The following MMS22L variants were observed in gnomAD, a reference collection of about 807,000 sequenced individuals.
MMS22L encodes the protein MMS22 like, DNA repair protein.
Under a neutral mutation model 159.1 loss-of-function variants are expected in MMS22L, and 74 were observed. The observed-to-expected ratio is 0.47, with a 90% CI of 0.39 to 0.56. The LOEUF is 0.56. MMS22L is among the 20% of genes least tolerant of loss of function. The probability of loss-of-function intolerance (pLI) is 0.00; values close to 1 mark genes in which losing one functional copy is unlikely to be tolerated. For missense variants in MMS22L, 1,351 were observed against 1,422.1 expected (o/e 0.95, Z 0.80); for synonymous variants, 517 against 506.9 (o/e 1.02, Z -0.27).
At chr6:97,187,682 A>G (rs1037147015) in intron 14 of MMS22L, among the ~76,000 whole-genome samples, 2 of 152,166 alleles carry the variant, frequency 1.3e-5, no homozygotes, top group African/African-American at 4.8e-5. Context: ...ATAATTAAGT[A>G]CTTTAAAAAA....
intron 6 of MMS22L, chr6:97,271,637 T>C (rs1815748389): frequency 1.3e-5 from 2 of 152,240 alleles, no homozygotes; most frequent in Admixed American, 1.3e-4. Flanking sequence ...AACTTGTTTC[T>C]GCTTCATTTC....
intron 9 of MMS22L, chr6:97,259,817 T>G (rs966801552): frequency 7.9e-5 from 12 of 152,146 alleles, no homozygotes; most frequent in African/African-American, 2.7e-4. Context: ...CTTTTATATA[T>G]AAGAATTTAG....
At position 97,256,832 on chromosome 6, in the gene MMS22L, A is replaced by G. The variant is rs997893932; in HGVS notation, c.943-2099T>C. Among the ~76,000 whole-genome samples the G allele has an allele frequency of 2.6e-5, 4 of 152,184 alleles. No homozygotes were observed. The South Asian group carries it at 6.2e-4, about 24-fold the overall frequency. On this transcript the variant is annotated intron_variant, in intron 9 of 24. Transcript: ENST00000683635. ...TGTGGTGGCATGTGCTTGTACTCCC[A>G]GCTACTAAGGAGTCTGAGACAGGAG...
chr6:97,172,891 G>A (rs370897137), intron 19 of MMS22L, among the ~76,000 whole-genome samples, 172 bp downstream of exon 19: 1 of 152,258 alleles, frequency 6.6e-6, no homozygotes, highest in East Asian at 1.9e-4. Flanking sequence ...GAGCAAGACA[G>A]AGATACATTT....
At chr6:97,268,083 A>G in intron 7 of MMS22L, 81 bp from the exon 8 acceptor site, 2 of 990,166 alleles carry the variant, frequency 2.0e-6, no homozygotes, top group Middle Eastern at 3.4e-4. Context: ...TCTTTAAATT[A>G]TAACAAAACT....
At chr6:97,270,030 T>C (rs1471430008) in intron 6 of MMS22L, 38 bp from the exon 7 acceptor site, 2 of 1,515,916 alleles carry the variant, frequency 1.3e-6, no homozygotes, top group Admixed American at 1.7e-5. Context: ...GAGAATTCAT[T>C]AATATTTTAC....
intron 9 of MMS22L, chr6:97,260,939 G>A (rs1449449902): frequency 6.6e-6 from 1 of 151,442 alleles, no homozygotes; most frequent in African/African-American, 2.4e-5. Flanking sequence ...TAAATTTTCT[G>A]CTTTCTCTTC....
Position 97,204,095 on chromosome 6 carries a change from G to A in MMS22L, c.2040-17405C>T, listed in dbSNP as rs147356625. On this transcript the variant is annotated intron_variant, in intron 14 of 24. Transcript: ENST00000683635. ...AGCAGCATAGATTAACTGATGCTCCGAAAAAATTTATAGAAAAAGTTGTTG... is the reference window on the plus strand; with the variant it reads ...AGCAGCATAGATTAACTGATGCTCCAAAAAAATTTATAGAAAAAGTTGTTG... 9.4e-3 allele frequency among the ~76,000 whole-genome samples: 1,438 copies of A among 152,186 alleles called. 25 individuals are homozygous for A. The highest frequency in any genetic ancestry group is 0.031 in the African/African-American group (1,307 of 41,532).
At chr6:97,278,812 A>T in intron 4 of MMS22L, 37 bp downstream of exon 4, 1 of 1,578,042 alleles carries the variant, frequency 6.3e-7, no homozygotes, top group Admixed American at 1.7e-5. Flanking sequence ...ATAATGAAGC[A>T]CCATTCCCTT....
intron 10 of MMS22L, chr6:97,254,118 A>G (rs1165746238): frequency 6.5e-6 from 1 of 153,530 alleles, no homozygotes. Flanking sequence ...AAAAAGCTTC[A>G]CTAAAGAAGT....
chr6:97,214,116 T>C (rs1808701700), intron 14 of MMS22L, among the ~76,000 whole-genome samples: 3 of 152,198 alleles, frequency 2.0e-5, no homozygotes, highest in Admixed American at 6.5e-5. Flanking sequence ...AAATACCTTC[T>C]ACACATAATC....
In MMS22L at chr6:97,146,047, T is replaced by C. The variant is rs1800913432; in HGVS notation, c.*759A>G. 6.6e-6 allele frequency: 1 copy of C among 152,034 alleles called. No homozygotes were observed. The highest frequency in any genetic ancestry group is 2.1e-4 in the South Asian group (1 of 4,824). 9.4% of individuals were successfully genotyped at this position (152,034 alleles called of 1,614,324 possible). A position where few individuals can be genotyped will look rare whatever the true frequency, so the allele number is the denominator to read the frequency against. On this transcript the variant is annotated 3_prime_UTR_variant, in exon 25 of 25. Transcript: ENST00000683635. ...ACTATTGTTACTTTTCTAGAATATT[T>C]TTATTTACTCTCCTCTTAAAGTCTC... is the stretch of plus-strand genomic sequence containing the variant.
chr6:97,157,698 A>G (rs1272700215), intron 22 of MMS22L, among the ~76,000 whole-genome samples: 1 of 152,068 alleles, frequency 6.6e-6, no homozygotes, highest in Non-Finnish European at 1.5e-5. Flanking sequence ...AAGCTTTTTG[A>G]TGTGCTGCTG....
intron 22 of MMS22L, among the ~76,000 whole-genome samples, chr6:97,155,057 A>C (rs1032690469): frequency 6.6e-6 from 1 of 152,016 alleles, no homozygotes; most frequent in Non-Finnish European, 1.5e-5. Context: ...CTTTCAATCT[A>C]TTTATATCTG....
At position 97,208,465 on chromosome 6, in the gene MMS22L, A is replaced by C. The variant is rs532752851; in HGVS notation, c.2039+20429T>G. Among the ~76,000 whole-genome samples, 3 of 152,062 alleles carry C rather than the reference A, an allele frequency of 2.0e-5. No homozygotes were observed. In the South Asian group the frequency reaches 6.2e-4, roughly 32 times the overall value. ...AATAAGTATCAGTCTAGTGAAGGAG[A>C]TATTTCAAGTGGTAAATGTTCTGGG... is the stretch of plus-strand genomic sequence containing the variant. On this transcript the variant is annotated intron_variant, in intron 14 of 24. Coordinates refer to ENST00000683635, the MANE Select transcript of MMS22L (RefSeq NM_001350599.2).
chr6:97,168,949 T>A (rs879337528), intron 19 of MMS22L, among the ~76,000 whole-genome samples: 2 of 152,108 alleles, frequency 1.3e-5, no homozygotes, highest in Non-Finnish European at 2.9e-5. Context: ...TATATTTATT[T>A]GTTGGTACCC....
At chr6:97,226,798 C>A (rs1393534608) in intron 14 of MMS22L, among the ~76,000 whole-genome samples, 2 of 152,010 alleles carry the variant, frequency 1.3e-5, no homozygotes, top group African/African-American at 4.8e-5. Flanking sequence ...TGTATCTCAA[C>A]CTTAGCACTG....
chr6:97,217,890 T>A (rs1372023334), intron 14 of MMS22L, among the ~76,000 whole-genome samples: 2 of 152,194 alleles, frequency 1.3e-5, no homozygotes, highest in African/African-American at 4.8e-5. Context: ...ATTTCCTTCA[T>A]TCCATTTTCT....
intron 8 of MMS22L, chr6:97,266,664 A>G (rs1582845171): frequency 6.6e-6 from 1 of 152,320 alleles, no homozygotes; most frequent in African/African-American, 2.4e-5. Flanking sequence ...TTCAGCCTTG[A>G]GAAGATGGAA....
Sources: allele counts gnomAD v4.1 joint callset (sites outside exome capture counted in the v4.1 genomes callset), GRCh38; gene constraint gnomAD v4.1.1; transcripts MANE v1.5; gene names NCBI Gene and HGNC (gene_info 2026-07-23, HGNC 2026-07-21).